PCCA: variants seen among roughly 807,000 people sequenced by gnomAD.
PCCA encodes the protein propionyl-CoA carboxylase alpha chain, mitochondrial.
In PCCA, 74 loss-of-function variants were observed where a neutral mutation model predicts 101.3. That is an observed-to-expected ratio of 0.73 (90% CI 0.61 to 0.89). The LOEUF (loss-of-function observed/expected upper bound fraction) is 0.89. PCCA is among the 40% of genes least tolerant of loss of function. The pLI is 0.00. For missense variants in PCCA, 891 were observed against 907.0 expected (o/e 0.98, Z 0.23); for synonymous variants, 294 against 313.6 (o/e 0.94, Z 0.66).
At chr13:100,162,311 T>C (rs9557398) in intron 6 of PCCA, among the ~76,000 whole-genome samples, 54,983 of 152,000 alleles carry the variant, frequency 0.36, 11,139 homozygotes, top group East Asian at 0.71. Flanking sequence ...TTATGACAAC[T>C]TATGATGTAT....
At chr13:100,106,581 T>G (rs2047818816) in intron 2 of PCCA, among the ~76,000 whole-genome samples, 1 of 151,906 alleles carries the variant, frequency 6.6e-6, no homozygotes, top group African/African-American at 2.4e-5. Context: ...CGGCTAATTT[T>G]TTTTTGTATT....
chr13:100,491,244 A>G (rs2084884696), intron 21 of PCCA: 1 of 164,248 alleles, frequency 6.1e-6, no homozygotes, highest in Non-Finnish European at 1.3e-5. Flanking sequence ...ATAGAATTAT[A>G]TAATAAACAG....
chr13:100,282,914 C>T (rs911863727), intron 12 of PCCA, among the ~76,000 whole-genome samples: 1 of 152,128 alleles, frequency 6.6e-6, no homozygotes, highest in Non-Finnish European at 1.5e-5. Context: ...TCCCCCCGCC[C>T]AGAAGGAAAT....
chr13:100,248,502 C>T (rs865828796), intron 8 of PCCA, among the ~76,000 whole-genome samples: 1 of 152,308 alleles, frequency 6.6e-6, no homozygotes, highest in East Asian at 1.9e-4. Context: ...CTAATAGGCA[C>T]ATAGTAGTAT....
At chr13:100,334,356 C>G (rs1339440200) in intron 17 of PCCA, among the ~76,000 whole-genome samples, 1 of 152,150 alleles carries the variant, frequency 6.6e-6, no homozygotes, top group Non-Finnish European at 1.5e-5. Context: ...CTCCTTCCCC[C>G]ACACCCCAGT....
chr13:100,375,638 A>G (rs977453517), intron 19 of PCCA, among the ~76,000 whole-genome samples: 6 of 152,178 alleles, frequency 3.9e-5, no homozygotes, highest in African/African-American at 1.4e-4. Flanking sequence ...GAGCTCCTGA[A>G]GGAAGCACTA....
intron 12 of PCCA, among the ~76,000 whole-genome samples, chr13:100,282,295 G>A (rs2064186094): frequency 6.6e-6 from 1 of 152,248 alleles, no homozygotes; most frequent in Non-Finnish European, 1.5e-5. Flanking sequence ...GCAGTCCTCA[G>A]AGCCCTCGCT....
chr13:100,507,813 C>T (rs1052888192), intron 21 of PCCA, among the ~76,000 whole-genome samples: 1 of 151,134 alleles, frequency 6.6e-6, no homozygotes, highest in Non-Finnish European at 1.5e-5. Flanking sequence ...CCCACCACCA[C>T]GCCTGGCTAA....
intron 6 of PCCA, among the ~76,000 whole-genome samples, chr13:100,186,431 T>C (rs1379867222): frequency 6.6e-6 from 1 of 152,052 alleles, no homozygotes; most frequent in Non-Finnish European, 1.5e-5. Context: ...GGATGGGGAA[T>C]GTATAGTAAT....
At position 100,089,173 on chromosome 13, in the gene PCCA, G is replaced by A. The variant is rs1172760709; in HGVS notation, c.53G>A (p.Gly18Glu). The change falls in exon 1 of 24, where the codon GGG becomes GAG. Residue 18 changes from glycine (G) to glutamate (E), a missense_variant. Transcript: ENST00000376285. ...CCGCTGGTCGCTGCCGGACGGCGTG[G>A]GCGGTGGCCGCCGCAGCAGCTGATG... ...TAPLVAAGRR[G>E]RWPPQQLMLS... 1.3e-6 allele frequency: 2 copies of A among 1,529,996 alleles called. No homozygotes were observed. Among genetic ancestry groups the A allele is most frequent in the East Asian group, 5.1e-5 (2 of 39,078 alleles). 94.8% of individuals were successfully genotyped at this position (1,529,996 alleles called of 1,614,324 possible). A position where few individuals can be genotyped will look rare whatever the true frequency, so the allele number is the denominator to read the frequency against.
chr13:100,529,496 A>G (rs1354489030), intron 23 of PCCA, among the ~76,000 whole-genome samples: 4 of 152,110 alleles, frequency 2.6e-5, no homozygotes, highest in Non-Finnish European at 5.9e-5. Flanking sequence ...CTTGATAAAG[A>G]TTGACTGAAA....
chr13:100,185,586 A>C (rs1387496738), intron 6 of PCCA, among the ~76,000 whole-genome samples: 1 of 151,698 alleles, frequency 6.6e-6, no homozygotes, highest in Non-Finnish European at 1.5e-5. Flanking sequence ...GGCTCAAGTA[A>C]TATGCCTGCC....
At chr13:100,215,814 A>G (rs546569598) in intron 7 of PCCA, among the ~76,000 whole-genome samples, 1 of 151,774 alleles carries the variant, frequency 6.6e-6, no homozygotes, top group South Asian at 2.1e-4. Flanking sequence ...TGTTTTTTGT[A>G]TTTTTAGTAG....
chr13:100,400,509 A>G lies in PCCA; in HGVS notation c.1747-25124A>G, dbSNP rs560573692. 7.9e-5 allele frequency among the ~76,000 whole-genome samples: 12 copies of G among 151,728 alleles called. No individual in the cohort carries two copies. The East Asian group carries it at 2.1e-3, about 27-fold the overall frequency. On this transcript the variant is annotated intron_variant, in intron 19 of 23. Coordinates refer to ENST00000376285, the MANE Select transcript of PCCA (RefSeq NM_000282.4). ...GAATGGCTCTTGGGTTGGGAATTATAGTGTTGGGGTGGGTCTTTGTGTCTA... is the reference window on the plus strand; with the variant it reads ...GAATGGCTCTTGGGTTGGGAATTATGGTGTTGGGGTGGGTCTTTGTGTCTA...
intron 12 of PCCA, among the ~76,000 whole-genome samples, chr13:100,284,051 G>A (rs370943484): frequency 6.6e-6 from 1 of 152,280 alleles, no homozygotes; most frequent in African/African-American, 2.4e-5. Context: ...ACTATTGAGG[G>A]CCAGGAAATT....
chr13:100,348,915 T>TTTC (rs763416407), intron 18 of PCCA, among the ~76,000 whole-genome samples: 1 of 39,198 alleles, frequency 2.6e-5, no homozygotes, highest in Non-Finnish European at 5.9e-5. Flanking sequence ...CCTTCCTTTC[T>TTTC]TTTCTTTTCT....
At chr13:100,466,649 C>T (rs954085049) in intron 21 of PCCA, among the ~76,000 whole-genome samples, 1 of 152,002 alleles carries the variant, frequency 6.6e-6, no homozygotes, top group African/African-American at 2.4e-5. Context: ...TCTGAGGTCA[C>T]GAGTTTGAGA....
intron 21 of PCCA, among the ~76,000 whole-genome samples, chr13:100,472,628 C>T (rs962256531): frequency 7.9e-5 from 12 of 151,974 alleles, no homozygotes; most frequent in Non-Finnish European, 1.6e-4. Context: ...GGGGCTTCCT[C>T]GGGAAAGGCA....
chr13:100,222,011 A>G (rs897792215), intron 7 of PCCA, among the ~76,000 whole-genome samples: 7 of 151,982 alleles, frequency 4.6e-5, no homozygotes, highest in Non-Finnish European at 1.0e-4. Flanking sequence ...TGCTAGGATT[A>G]TAGGTGTCCA....
Sources: gnomAD v4.1 joint callset for allele counts (sites outside exome capture counted in the v4.1 genomes callset) on GRCh38, gnomAD v4.1.1 for gene constraint, MANE v1.5 for transcripts, NCBI Gene and HGNC (gene_info 2026-07-23, HGNC 2026-07-21) for gene names.